Variants in IKBKB-DT observed in about 807,000 individuals in gnomAD.
IKBKB-DT encodes the protein IKBKB divergent transcript.
intron 2 of IKBKB-DT, among the ~76,000 whole-genome samples, chr8:42,264,237 G>A (rs1200706332): frequency 6.6e-6 from 1 of 151,432 alleles, no homozygotes; most frequent in Non-Finnish European, 1.5e-5. Context: ...GGTCTTGCTG[G>A]TCTCGAACTC....
chr8:42,262,565 G>A (rs913318976), intron 3 of IKBKB-DT, among the ~76,000 whole-genome samples: 28 of 151,878 alleles, frequency 1.8e-4, no homozygotes, highest in Admixed American at 2.6e-4. Flanking sequence ...TCAGCCTCCT[G>A]AGTAGCTGGG....
At chr8:42,259,588 G>A (rs1807254107) in intron 3 of IKBKB-DT, among the ~76,000 whole-genome samples, 1 of 152,110 alleles carries the variant, frequency 6.6e-6, no homozygotes, top group Admixed American at 6.6e-5. Context: ...CATAATCATT[G>A]TTAAAAGCTC....
intron 2 of IKBKB-DT, among the ~76,000 whole-genome samples, chr8:42,263,649 C>T (rs1355737127): frequency 1.3e-5 from 2 of 152,060 alleles, no homozygotes; most frequent in African/African-American, 4.8e-5. Context: ...TTGGGGTGGA[C>T]AGTTATGGGG....
chr8:42,243,647 T>C (rs1218693526), intron 3 of IKBKB-DT, among the ~76,000 whole-genome samples: 1 of 152,210 alleles, frequency 6.6e-6, no homozygotes, highest in Non-Finnish European at 1.5e-5. Flanking sequence ...TAAAGCCACT[T>C]CGGTTTGAAG....
intron 3 of IKBKB-DT, among the ~76,000 whole-genome samples, chr8:42,243,431 A>T (rs1807027805): frequency 6.6e-6 from 1 of 152,172 alleles, no homozygotes; most frequent in Admixed American, 6.5e-5. Flanking sequence ...TAATTAAACT[A>T]TTTCTTAGAA....
At chr8:42,258,116 G>C (rs74561378) in intron 3 of IKBKB-DT, among the ~76,000 whole-genome samples, 1 of 152,062 alleles carries the variant, frequency 6.6e-6, no homozygotes, top group Non-Finnish European at 1.5e-5. Flanking sequence ...ACGTTCCACA[G>C]TATTTTATCA....
rs547011759 is a variant in IKBKB-DT, at chr8:42,271,110, G to C, written n.144C>G. 12 of 474,752 alleles carry C rather than the reference G, an allele frequency of 2.5e-5. No individual in the cohort carries two copies. In the East Asian group the frequency reaches 4.7e-4, roughly 19 times the overall value. 29.4% of individuals were successfully genotyped at this position (474,752 alleles called of 1,614,324 possible). ...AGGGTGTAACGGGGGTCATTTCAGG[G>C]CTGTTCTTTTAAATCGGTGAGCACG... On this transcript the variant is annotated non_coding_transcript_exon_variant, in exon 1 of 4. Coordinates refer to ENST00000518213, the Ensembl canonical transcript of IKBKB-DT.
intron 3 of IKBKB-DT, among the ~76,000 whole-genome samples, chr8:42,260,412 T>A (rs1807269831): frequency 6.6e-6 from 1 of 152,088 alleles, no homozygotes; most frequent in Non-Finnish European, 1.5e-5. Context: ...ATGCCTATAA[T>A]CCCAGCACTT....
At chr8:42,265,797 A>G (rs1807361400) in exon 2 of IKBKB-DT, 1 of 152,256 alleles carries the variant, frequency 6.6e-6, no homozygotes, top group Admixed American at 6.5e-5. Context: ...TTGTTCCTCC[A>G]GAGAGGGTGA....
intron 1 of IKBKB-DT, among the ~76,000 whole-genome samples, chr8:42,268,301 A>T (rs984686551): frequency 1.3e-5 from 2 of 149,460 alleles, no homozygotes; most frequent in African/African-American, 4.9e-5. Flanking sequence ...CGCCCAGCTA[A>T]TTTTTTTGTA....
chr8:42,250,448 C>T (rs914671078), intron 3 of IKBKB-DT, among the ~76,000 whole-genome samples: 1 of 152,210 alleles, frequency 6.6e-6, no homozygotes, highest in Non-Finnish European at 1.5e-5. Context: ...TCATTTACAT[C>T]TACACCCTAG....
intron 3 of IKBKB-DT, among the ~76,000 whole-genome samples, chr8:42,237,631 C>A (rs1806941724): frequency 6.6e-6 from 1 of 152,052 alleles, no homozygotes; most frequent in Non-Finnish European, 1.5e-5. Flanking sequence ...CTGACACCCA[C>A]CCCTACCAGT....
intron 3 of IKBKB-DT, among the ~76,000 whole-genome samples, chr8:42,234,150 C>T (rs1376540417): frequency 6.6e-6 from 1 of 152,200 alleles, no homozygotes; most frequent in African/African-American, 2.4e-5. Context: ...TTAGTTCAAC[C>T]TACGCCCAGG....
chr8:42,268,186 G>A (rs1250397056), intron 1 of IKBKB-DT, among the ~76,000 whole-genome samples: 1 of 148,142 alleles, frequency 6.8e-6, no homozygotes, highest in African/African-American at 2.5e-5. Context: ...CCAGGCTGGA[G>A]TGCAATGGCA....
At chr8:42,253,408 A>G (rs1453164268) in intron 3 of IKBKB-DT, among the ~76,000 whole-genome samples, 1 of 152,188 alleles carries the variant, frequency 6.6e-6, no homozygotes, top group Non-Finnish European at 1.5e-5. Flanking sequence ...CTCTTCATCG[A>G]TACTCTAAAG....
intron 3 of IKBKB-DT, among the ~76,000 whole-genome samples, chr8:42,257,025 C>A (rs1280139225): frequency 1.3e-5 from 2 of 152,184 alleles, no homozygotes; most frequent in Non-Finnish European, 2.9e-5. Context: ...TCAGTTACTT[C>A]TGTCACATAC....
intron 3 of IKBKB-DT, among the ~76,000 whole-genome samples, chr8:42,238,484 C>T (rs996422993): frequency 2.0e-5 from 3 of 152,162 alleles, no homozygotes; most frequent in African/African-American, 4.8e-5. Context: ...TGAAAGTCCA[C>T]AAGATGAGGA....
At chr8:42,269,726 T>C (rs920301615) in intron 1 of IKBKB-DT, among the ~76,000 whole-genome samples, 1 of 151,968 alleles carries the variant, frequency 6.6e-6, no homozygotes, top group African/African-American at 2.4e-5. Flanking sequence ...CTGGACACCA[T>C]TGACCCCTAT....
chr8:42,235,557 T>A (rs144269200), intron 3 of IKBKB-DT, among the ~76,000 whole-genome samples: 12 of 152,152 alleles, frequency 7.9e-5, no homozygotes, highest in Admixed American at 7.2e-4. Context: ...AACAACCAGA[T>A]GGCCCCACCC....
Sources: gnomAD v4.1 joint callset for allele counts (sites outside exome capture counted in the v4.1 genomes callset) on GRCh38, gnomAD v4.1.1 for gene constraint, MANE v1.5 for transcripts, NCBI Gene and HGNC (gene_info 2026-07-23, HGNC 2026-07-21) for gene names.